DEAF1: variants seen among roughly 807,000 people sequenced by gnomAD.
The protein encoded by DEAF1 is deformed epidermal autoregulatory factor 1 homolog.
In DEAF1, 53 loss-of-function variants were observed where a neutral mutation model predicts 58.9. The observed-to-expected ratio is 0.90, with a 90% CI of 0.72 to 1.13. The LOEUF (loss-of-function observed/expected upper bound fraction) is 1.13, where lower values mean the gene tolerates loss of function less well. Ranked by LOEUF, DEAF1 falls within the 50% of genes most tolerant of loss-of-function variation. DEAF1 has a pLI of 0.00. For synonymous variants in DEAF1, 385 were observed against 340.4 expected (o/e 1.13, Z -1.44); for missense variants, 685 against 791.4 (o/e 0.87, Z 1.61).
At chr11:701,804 C>T (rs1861509871) in intron 1 of DEAF1, among the ~76,000 whole-genome samples, 1 of 152,148 alleles carries the variant, frequency 6.6e-6, no homozygotes, top group Admixed American at 6.6e-5. Flanking sequence ...TGGCCTCACT[C>T]CCCTTTTTTT....
In DEAF1 at chr11:694,877, C is replaced by A; in HGVS notation, c.171G>T (p.Glu57Asp). The A allele has an allele frequency of 6.7e-7, 1 of 1,501,766 alleles. No individual in the cohort carries two copies. Among genetic ancestry groups the A allele is most frequent in the Non-Finnish European group, 8.8e-7 (1 of 1,130,212 alleles). 93.0% of individuals were successfully genotyped at this position (1,501,766 alleles called of 1,614,324 possible). The change falls in exon 1 of 12, where the codon GAG becomes GAT. Residue 57 changes from glutamate (E) to aspartate (D), a missense_variant. Glu to Asp is a conservative substitution (Grantham distance 45). Coordinates refer to ENST00000382409, the MANE Select transcript of DEAF1 (RefSeq NM_021008.4). ...DSEEDADSEA[E>D]RETPRVTAVA... ...CTGCCGTGACCCGCGGCGTCTCCCG[C>A]TCCGCCTCCGAGTCTGCGTCCTCCT... is the stretch of plus-strand genomic sequence containing the variant.
In DEAF1 at chr11:680,997, G is replaced by A. The variant is rs1238009056; in HGVS notation, c.963C>T (p.Asn321=). The change falls in exon 7 of 12, where the codon AAC becomes AAT. Residue 321 remains asparagine, a synonymous_variant. Transcript: ENST00000382409. ...CCGCGGTGGCTGGAAGCAATGTGAT[G>A]TTCTTGGGGGAGTCCTTCTTCACGG... is the stretch of plus-strand genomic sequence containing the variant. ...TTPVKKDSPK[N]ITLLPATAAT... is the part of the protein sequence containing the mutation. The A allele has an allele frequency of 1.9e-6, 3 of 1,614,188 alleles. No individual in the cohort carries two copies. The Admixed American group carries it at 5.0e-5, about 27-fold the overall frequency.
chr11:667,383 G>A (rs1462888704), intron 10 of DEAF1, among the ~76,000 whole-genome samples: 2 of 107,102 alleles, frequency 1.9e-5, no homozygotes, highest in African/African-American at 1.0e-4. Context: ...AAGGAAGGAA[G>A]GAAGGAGAGA....
In DEAF1 at chr11:644,632, A is replaced by G. The variant is rs760160645; in HGVS notation, c.1616T>C (p.Ile539Thr). 3 of 1,612,134 alleles carry G rather than the reference A, an allele frequency of 1.9e-6. No individual in the cohort carries two copies. Among genetic ancestry groups the G allele is most frequent in the Non-Finnish European group, 2.5e-6 (3 of 1,179,726 alleles). Reference sequence around the variant, plus strand: ...GGTGACAGCTGCTGACTGGCCGCATATGTGCTGGTGATCCTTCCAGTCCTG... The same window carrying G: ...GGTGACAGCTGCTGACTGGCCGCATGTGTGCTGGTGATCCTTCCAGTCCTG... Reference protein sequence around the residue: ...QRKDWKDHQHICGQSAAVTVQ... With the variant: ...QRKDWKDHQHTCGQSAAVTVQ... The change falls in exon 12 of 12, where the codon ATA becomes ACA. Residue 539 changes from isoleucine (I) to threonine (T), a missense_variant. Physicochemically the swap from Ile to Thr is moderately conservative, Grantham distance 89 (BLOSUM62 -1). Around this residue, in one of 3 missense-constraint regions of DEAF1, gnomAD observed 343 missense variants for 379.8 expected, o/e 0.90. Coordinates refer to ENST00000382409, the MANE Select transcript of DEAF1 (RefSeq NM_021008.4). The surrounding 1 kb of genome is among the most constrained non-coding windows in gnomAD (Gnocchi z 4.3).
chr11:644,606 C>G lies in DEAF1; in HGVS notation c.1642G>C (p.Val548Leu), dbSNP rs1472386316. ...HICGQSAAVT[V>L]QADEVHVAES... ...GCCACGTGGACTTCGTCTGCCTGGA[C>G]GGTGACAGCTGCTGACTGGCCGCAT... The change falls in exon 12 of 12, where the codon GTC becomes CTC. Residue 548 changes from valine to leucine, a missense_variant. Coordinates refer to ENST00000382409, the MANE Select transcript of DEAF1 (RefSeq NM_021008.4). This position sits in a 1 kb window ranked among gnomAD's most constrained non-coding sequence, Gnocchi z 4.3. 1.2e-6 allele frequency: 2 copies of G among 1,613,072 alleles called. No individual in the cohort carries two copies. Among genetic ancestry groups the G allele is most frequent in the Non-Finnish European group, 1.7e-6 (2 of 1,179,946 alleles).
At chr11:707,025 G>A (rs76431003) in exon 1 of DEAF1, among the ~76,000 whole-genome samples, 33,981 of 151,676 alleles carry the variant, frequency 0.22, 4,059 homozygotes, top group East Asian at 0.35. Flanking sequence ...AGGCAGGGCC[G>A]GGCATGCCCG....
intron 10 of DEAF1, among the ~76,000 whole-genome samples, chr11:670,424 TA>T (rs1859760570): frequency 6.6e-6 from 1 of 151,116 alleles, no homozygotes; most frequent in South Asian, 2.1e-4. Context: ...TTTTTTAAAG[TA>T]TTTTTTTGGC....
intron 10 of DEAF1, among the ~76,000 whole-genome samples, chr11:654,953 G>A (rs1000245467): frequency 1.3e-5 from 2 of 151,406 alleles, no homozygotes; most frequent in Non-Finnish European, 2.9e-5. Flanking sequence ...GGCGGATCAC[G>A]AAGTTAGGAG....
chr11:653,393 G>C (rs1389096735), intron 11 of DEAF1, among the ~76,000 whole-genome samples: 1 of 150,012 alleles, frequency 6.7e-6, no homozygotes, highest in Non-Finnish European at 1.5e-5. Flanking sequence ...CTCTGCAGGG[G>C]TGTGGAGGGC....
chr11:669,496 C>T (rs1264432657), intron 10 of DEAF1, among the ~76,000 whole-genome samples: 2 of 151,126 alleles, frequency 1.3e-5, no homozygotes, highest in African/African-American at 2.4e-5. Flanking sequence ...ATTAGCTGGG[C>T]GTGGTGGCGC....
chr11:678,514 G>A (rs529003016), intron 9 of DEAF1, 180 bp downstream of exon 9: 19 of 884,594 alleles, frequency 2.1e-5, no homozygotes, highest in African/African-American at 1.2e-4. Context: ...GTGGCTGTGT[G>A]TCAGTAAAAC....
In DEAF1 at chr11:704,814, G is replaced by A. The variant is rs949144950; in HGVS notation, c.-438+1758C>T. On this transcript the variant is annotated intron_variant, in intron 1 of 11. Transcript: ENST00000683307. Reference sequence around the variant, plus strand: ...CTCAAAATCGTGTTGACAGGCACCCGTTTAGGAGTGGAGAGGGACCCCACC... The same window carrying A: ...CTCAAAATCGTGTTGACAGGCACCCATTTAGGAGTGGAGAGGGACCCCACC... 2.1e-4 allele frequency: 91 copies of A among 426,200 alleles called. 1 individual carries two copies. The highest frequency in any genetic ancestry group is 1.2e-3 in the Middle Eastern group (2 of 1,642). 26.4% of individuals were successfully genotyped at this position (426,200 alleles called of 1,614,324 possible).
chr11:674,733 C>T lies in DEAF1; in HGVS notation c.1306G>A (p.Ala436Thr), dbSNP rs7125451. 3.0e-4 allele frequency: 479 copies of T among 1,613,822 alleles called. 4 individuals carry two copies. The East Asian group carries it at 0.01, about 34-fold the overall frequency. The stretch of plus-strand genomic sequence containing the variant: ...CCATTGACCAACGCGGGAGGTGCCG[C>T]TTTGGTGGGAGTCGGGGGTGGGACC... ...LAVPPPTPTK[A>T]APPALVNGLE... is the part of the protein sequence containing the mutation. The change falls in exon 10 of 12, where the codon GCG (alanine) becomes ACG (threonine). Residue 436 changes from alanine (A) to threonine (T), a missense_variant. Physicochemically the swap from Ala to Thr is moderately conservative, Grantham distance 58. Around this residue, in one of 3 missense-constraint regions of DEAF1, gnomAD observed 343 missense variants for 379.8 expected, o/e 0.90. Coordinates refer to ENST00000382409, the MANE Select transcript of DEAF1 (RefSeq NM_021008.4).
chr11:670,809 A>G (rs1203008952), intron 10 of DEAF1, among the ~76,000 whole-genome samples: 1 of 114,670 alleles, frequency 8.7e-6, no homozygotes, highest in East Asian at 2.4e-4. Context: ...ACGAGGTCTC[A>G]CTCTGTTGCC....
intron 11 of DEAF1, among the ~76,000 whole-genome samples, chr11:649,537 T>A (rs1233163572): frequency 6.7e-6 from 1 of 149,722 alleles, no homozygotes; most frequent in Non-Finnish European, 1.5e-5. Flanking sequence ...CTGACCAACA[T>A]GGTGAAACCC....
At position 694,748 on chromosome 11, in the gene DEAF1, G is replaced by A; in HGVS notation, c.289+11C>T. 1 of 1,292,602 alleles carries A rather than the reference G, an allele frequency of 7.7e-7. No individual in the cohort carries two copies. Among genetic ancestry groups the A allele is most frequent in the Non-Finnish European group, 9.8e-7 (1 of 1,025,126 alleles). 80.1% of individuals were successfully genotyped at this position (1,292,602 alleles called of 1,614,324 possible). Reference sequence around the variant, plus strand: ...AACCGGACGAGGCGAGAGGCCGGCGGGCGCACTTGCCTGCGAAGGCTGCGG... The same window carrying A: ...AACCGGACGAGGCGAGAGGCCGGCGAGCGCACTTGCCTGCGAAGGCTGCGG... On this transcript the variant is annotated intron_variant, in intron 1 of 11. Coordinates refer to ENST00000382409, the MANE Select transcript of DEAF1 (RefSeq NM_021008.4).
chr11:660,582 A>G (rs990165823), intron 10 of DEAF1, among the ~76,000 whole-genome samples: 4 of 152,234 alleles, frequency 2.6e-5, no homozygotes, highest in African/African-American at 9.6e-5. Context: ...TGCTCTGAAG[A>G]GTTCCCTGGG....
At position 685,029 on chromosome 11, in the gene DEAF1, A is replaced by G. The variant is rs559538382; in HGVS notation, c.805-66T>C. 5 of 1,290,000 alleles carry G rather than the reference A, an allele frequency of 3.9e-6. No homozygotes were observed. The African/African-American group carries it at 4.4e-5, about 11-fold the overall frequency. 79.9% of individuals were successfully genotyped at this position (1,290,000 alleles called of 1,614,324 possible). On this transcript the variant is annotated intron_variant, in intron 5 of 11. Coordinates refer to ENST00000382409, the MANE Select transcript of DEAF1 (RefSeq NM_021008.4). ...CCCTAAATGTCAATCATTCAATAAT[A>G]GAAGATTTCAACCACTTTTACCACT...
chr11:668,156 ACTCAAAAACGTCC>A (rs1437260354), intron 10 of DEAF1, among the ~76,000 whole-genome samples: 1 of 152,166 alleles, frequency 6.6e-6, no homozygotes, highest in African/African-American at 2.4e-5. Context: ...ATTCCATGTC[ACTCAAAAACGTCC>A]CTCAAAAATA....
Sources: gnomAD v4.1 joint callset for allele counts (sites outside exome capture counted in the v4.1 genomes callset) on GRCh38, gnomAD v4.1.1 for gene constraint, gnomAD v4.1.1 regional missense constraint, Gnocchi (gnomAD v3.1) non-coding constraint, MANE v1.5 for transcripts, NCBI Gene and HGNC (gene_info 2026-07-23, HGNC 2026-07-21) for gene names.